Variants in MAP4K4 observed in about 807,000 individuals in gnomAD.
The protein encoded by MAP4K4 is HPK/GCK-like kinase HGK.
Under a neutral mutation model 189.6 loss-of-function variants are expected in MAP4K4, and 38 were observed. The ratio of observed to expected loss-of-function variants is 0.20; its 90% confidence interval spans 0.15 to 0.26. The LOEUF (loss-of-function observed/expected upper bound fraction) is 0.26, where lower values mean the gene tolerates loss of function less well. Ranked by LOEUF, MAP4K4 falls within the 10% of genes least tolerant of loss-of-function variation. The probability of loss-of-function intolerance (pLI) is 1.00; values close to 1 mark genes in which losing one functional copy is unlikely to be tolerated. For missense variants in MAP4K4, 1,054 were observed against 1,726.9 expected, an observed-to-expected ratio of 0.61 and a Z score of 6.91; for synonymous variants, 610 against 624.3, an observed-to-expected ratio of 0.98 and a Z score of 0.34.
intron 2 of MAP4K4, among the ~76,000 whole-genome samples, chr2:101,783,128 T>C (rs1226614603): frequency 6.6e-6 from 1 of 152,216 alleles, no homozygotes; most frequent in Admixed American, 6.5e-5. Context: ...GGGGAGAGAA[T>C]GGACAGACCA....
chr2:101,815,089 T>C (rs1297359046), intron 3 of MAP4K4, among the ~76,000 whole-genome samples: 2 of 152,250 alleles, frequency 1.3e-5, no homozygotes, highest in Admixed American at 6.5e-5. Flanking sequence ...ATAAGTTGTT[T>C]ATAGCAATTG....
intron 3 of MAP4K4, among the ~76,000 whole-genome samples, chr2:101,792,291 A>G (rs2093004904): frequency 6.6e-6 from 1 of 152,134 alleles, no homozygotes; most frequent in African/African-American, 2.4e-5. Context: ...TTACTGGCAG[A>G]CTTGTAGGTA....
intron 16 of MAP4K4, 46 bp downstream of exon 16, chr2:101,861,032 GCTCGCTGAGC>G (rs1292858662): frequency 1.9e-5 from 29 of 1,523,838 alleles, no homozygotes; most frequent in Non-Finnish European, 2.5e-5. Flanking sequence ...TCATGCAACG[GCTCGCTGAGC>G]CGCAGGCCTG....
chr2:101,804,105 G>T (rs925893811), intron 3 of MAP4K4, among the ~76,000 whole-genome samples: 3 of 152,132 alleles, frequency 2.0e-5, no homozygotes, highest in African/African-American at 7.2e-5. Context: ...TGAACAGCCC[G>T]TCTGTTCTAT....
At chr2:101,800,134 AAT>A (rs1553481060) in intron 3 of MAP4K4, among the ~76,000 whole-genome samples, 22 of 144,570 alleles carry the variant, frequency 1.5e-4, no homozygotes, top group African/African-American at 6.0e-4. Context: ...AAAAAAAAAA[AAT>A]AATAATTTTT....
chr2:101,872,596 C>T (rs949352068), intron 24 of MAP4K4, among the ~76,000 whole-genome samples: 2 of 152,160 alleles, frequency 1.3e-5, no homozygotes, highest in African/African-American at 2.4e-5. Context: ...AAAATCCTCT[C>T]CTCCGGAGGA....
Position 101,755,024 on chromosome 2 carries a change from T to C in MAP4K4, c.124-35696T>C, listed in dbSNP as rs148930647. Among the ~76,000 whole-genome samples, 77 of 152,258 alleles carry C rather than the reference T, an allele frequency of 5.1e-4. No homozygotes were observed. In the East Asian group the frequency reaches 0.013, roughly 26 times the overall value. On this transcript the variant is annotated intron_variant, in intron 2 of 32. Coordinates refer to ENST00000324219, the Ensembl canonical transcript of MAP4K4. ...TATTTATGCCTTGCTCCAGAAATAA[T>C]TTAAGGTCTATATGGGCAGCTGCTT...
At chr2:101,819,397 G>T (rs2095905293) in intron 3 of MAP4K4, among the ~76,000 whole-genome samples, 1 of 152,216 alleles carries the variant, frequency 6.6e-6, no homozygotes. Flanking sequence ...CTGGCTCAAA[G>T]CCATGGCAGA....
At chr2:101,867,218 C>A in exon 20 of MAP4K4, 1 of 1,600,096 alleles carries the variant, frequency 6.2e-7, no homozygotes. Flanking sequence ...ACAGCATCAT[C>A]CAAGTCTGAA....
chr2:101,796,075 G>A (rs2093654100), intron 3 of MAP4K4, among the ~76,000 whole-genome samples: 1 of 152,150 alleles, frequency 6.6e-6, no homozygotes, highest in Non-Finnish European at 1.5e-5. Flanking sequence ...GTGCTCTTTG[G>A]AGTGAATGAT....
intron 3 of MAP4K4, among the ~76,000 whole-genome samples, chr2:101,805,072 CAA>C (rs36081384): frequency 0.059 from 3,318 of 56,286 alleles, 23 homozygotes; most frequent in South Asian, 0.096. Context: ...GACTCCAGAT[CAA>C]AAAAAAAAAA....
intron 2 of MAP4K4, among the ~76,000 whole-genome samples, chr2:101,703,260 T>C (rs2040054880): frequency 6.6e-6 from 1 of 151,862 alleles, no homozygotes; most frequent in Non-Finnish European, 1.5e-5. Context: ...GCATTACTCT[T>C]TGCTAGGTTT....
chr2:101,858,001 A>C (rs2097529984), intron 13 of MAP4K4, among the ~76,000 whole-genome samples: 1 of 152,112 alleles, frequency 6.6e-6, no homozygotes, highest in African/African-American at 2.4e-5. Context: ...TTCCCTGTCC[A>C]AAAAAAGGAA....
chr2:101,840,003 C>G lies in MAP4K4; in HGVS notation c.949+9C>G, dbSNP rs1304495794. 6.3e-7 allele frequency: 1 copy of G among 1,579,158 alleles called. No individual in the cohort carries two copies. The highest frequency in any genetic ancestry group is 2.2e-5 in the East Asian group (1 of 44,562). Reference sequence around the variant, plus strand: ...GAAGAGAGGCGAGAAAGGTACTAAGCCTGTTTTTGTTTTCATCCTTTAAAA... The same window carrying G: ...GAAGAGAGGCGAGAAAGGTACTAAGGCTGTTTTTGTTTTCATCCTTTAAAA... On this transcript the variant is annotated intron_variant, in intron 10 of 32. Coordinates refer to ENST00000324219, the Ensembl canonical transcript of MAP4K4.
intron 2 of MAP4K4, among the ~76,000 whole-genome samples, chr2:101,730,404 GAC>G (rs2057895450): frequency 6.6e-6 from 1 of 152,164 alleles, no homozygotes; most frequent in Non-Finnish European, 1.5e-5. Context: ...TTGTGGTAGG[GAC>G]AGTTTTTCAG....
At chr2:101,839,690 C>T in intron 9 of MAP4K4, 129 bp from the exon 10 acceptor site, 1 of 680,962 alleles carries the variant, frequency 1.5e-6, no homozygotes, top group Non-Finnish European at 2.5e-6. Flanking sequence ...ATACATTATT[C>T]CTATGCATTT....
intron 2 of MAP4K4, among the ~76,000 whole-genome samples, chr2:101,766,172 C>G (rs541822128): frequency 1.3e-5 from 2 of 152,144 alleles, no homozygotes; most frequent in Admixed American, 6.5e-5. Context: ...ATGTGGGTAC[C>G]CACTATGTAT....
At chr2:101,829,480 T>C (rs1210573609) in intron 5 of MAP4K4, 24 bp from the exon 6 acceptor site, 2 of 1,549,454 alleles carry the variant, frequency 1.3e-6, no homozygotes, top group African/African-American at 2.7e-5. Context: ...AAAACTAAAA[T>C]TCAGGTCTGT....
intron 14 of MAP4K4, among the ~76,000 whole-genome samples, chr2:101,859,338 C>G (rs1026986323): frequency 1.2e-4 from 18 of 152,176 alleles, no homozygotes; most frequent in Non-Finnish European, 2.5e-4. Context: ...ACTCAGTGAA[C>G]ACACTAGAAT....
Sources: allele counts gnomAD v4.1 joint callset (sites outside exome capture counted in the v4.1 genomes callset), GRCh38; gene constraint gnomAD v4.1.1; transcripts MANE v1.5; gene names NCBI Gene and HGNC (gene_info 2026-07-23, HGNC 2026-07-21).